TAF1A: variants seen among roughly 807,000 people sequenced by gnomAD.
TAF1A encodes TATA box-binding protein-associated factor RNA polymerase I subunit A.
A neutral mutation model predicts 61.6 loss-of-function variants in TAF1A; 42 were observed. The ratio of observed to expected loss-of-function variants is 0.68; its 90% CI spans 0.53 to 0.88. The LOEUF is 0.88. TAF1A is among the 40% of genes least tolerant of loss of function. The pLI is 0.00. For synonymous variants in TAF1A, 179 were observed against 177.7 expected (o/e 1.01, Z -0.06); for missense variants, 424 against 518.7 (o/e 0.82, Z 1.77).
intron 5 of TAF1A, among the ~76,000 whole-genome samples, chr1:222,574,177 C>T (rs1660474643): frequency 2.6e-5 from 4 of 151,988 alleles, no homozygotes; most frequent in Admixed American, 2.0e-4. Context: ...TAATATTGTA[C>T]TGATGGTTAC....
At chr1:222,576,957 T>C (rs1345498472) in intron 5 of TAF1A, among the ~76,000 whole-genome samples, 6 of 152,112 alleles carry the variant, frequency 3.9e-5, no homozygotes, top group Admixed American at 3.9e-4. Flanking sequence ...ACTAACATAG[T>C]TTCTAACAGC....
rs539677178 is a variant in TAF1A at position 222,570,043 on chromosome 1, A to G, written c.736-375T>C. Among the ~76,000 whole-genome samples, 5 of 152,284 alleles carry G rather than the reference A, an allele frequency of 3.3e-5. 1 individual carries two copies. In the South Asian group the frequency reaches 1.0e-3, roughly 32 times the overall value. On this transcript the variant is annotated intron_variant, in intron 6 of 10. Transcript: ENST00000352967. ...TTGGAGATTATCTTCTGACAACACA[A>G]TTATCAACTTGCCACTCATTAACTT...
At chr1:222,586,228 T>C (rs1661010880) in intron 2 of TAF1A, among the ~76,000 whole-genome samples, 1 of 152,188 alleles carries the variant, frequency 6.6e-6, no homozygotes, top group African/African-American at 2.4e-5. Context: ...TTATAAGATC[T>C]ACACCAAAGC....
intron 3 of TAF1A, among the ~76,000 whole-genome samples, chr1:222,583,434 A>AG (rs1660876783): frequency 6.6e-6 from 1 of 151,662 alleles, no homozygotes; most frequent in African/African-American, 2.4e-5. Flanking sequence ...ACGAAAAAAA[A>AG]AAGGATCACT....
chr1:222,582,638 G>A (rs188148402), intron 3 of TAF1A, among the ~76,000 whole-genome samples: 1 of 152,228 alleles, frequency 6.6e-6, no homozygotes, highest in East Asian at 1.9e-4. Flanking sequence ...ACAAAAACCT[G>A]TACACAAATG....
In TAF1A at chr1:222,589,879, G is replaced by C; in HGVS notation, c.-155C>G. 2.5e-6 allele frequency: 1 copy of C among 395,986 alleles called. No homozygotes were observed. The highest frequency in any genetic ancestry group is 1.4e-4 in the South Asian group (1 of 6,992). The allele number at this position is 395,986 out of a possible 1,614,324, so 24.5% of individuals were successfully genotyped here. On this transcript the variant is annotated 5_prime_UTR_variant, in exon 1 of 11. Coordinates refer to ENST00000352967, the MANE Select transcript of TAF1A (RefSeq NM_005681.4). ...ATTTAGGCAGCGCGCGGCCCGGCTCGTAACTCCTCCTGCTGCAGCAGGCGT... is the reference window on the plus strand; with the variant it reads ...ATTTAGGCAGCGCGCGGCCCGGCTCCTAACTCCTCCTGCTGCAGCAGGCGT...
At chr1:222,560,317 G>A (rs1472309119) in intron 10 of TAF1A, among the ~76,000 whole-genome samples, 6 of 152,326 alleles carry the variant, frequency 3.9e-5, no homozygotes, top group Non-Finnish European at 8.8e-5. Context: ...CCTGATATTT[G>A]TAGAGCACTT....
intron 7 of TAF1A, among the ~76,000 whole-genome samples, chr1:222,565,553 C>A (rs1212996132): frequency 6.6e-6 from 1 of 152,170 alleles, no homozygotes; most frequent in Non-Finnish European, 1.5e-5. Flanking sequence ...CCTGAAAGCA[C>A]AGTCTTGCTT....
At chr1:222,569,958 A>G (rs955916990) in intron 6 of TAF1A, among the ~76,000 whole-genome samples, 1 of 152,240 alleles carries the variant, frequency 6.6e-6, no homozygotes, top group African/African-American at 2.4e-5. Flanking sequence ...GGAGTGCATG[A>G]GAATTGTAAT....
intron 3 of TAF1A, among the ~76,000 whole-genome samples, chr1:222,580,677 A>C (rs1168894103): frequency 3.3e-5 from 5 of 152,116 alleles, no homozygotes; most frequent in South Asian, 2.1e-4. Context: ...CATTTGTAGA[A>C]TATCACACTG....
chr1:222,565,628 A>G (rs2133185), intron 7 of TAF1A, among the ~76,000 whole-genome samples: 31,576 of 152,174 alleles, frequency 0.21, 4,260 homozygotes, highest in African/African-American at 0.39. Context: ...TTAAGAGAGT[A>G]AAATAAAAAT....
chr1:222,563,689 A>G (rs1178235868), intron 8 of TAF1A, among the ~76,000 whole-genome samples: 1 of 152,218 alleles, frequency 6.6e-6, no homozygotes, highest in East Asian at 1.9e-4. Context: ...ATGAAGGAGC[A>G]TGCTCTCTTC....
intron 4 of TAF1A, among the ~76,000 whole-genome samples, chr1:222,578,221 G>A (rs1170356745): frequency 6.6e-6 from 1 of 152,152 alleles, no homozygotes; most frequent in Non-Finnish European, 1.5e-5. Flanking sequence ...ATTATACAAA[G>A]AATGAGTATT....
intron 9 of TAF1A, among the ~76,000 whole-genome samples, chr1:222,562,404 A>C (rs999774894): frequency 3.3e-5 from 5 of 152,230 alleles, no homozygotes; most frequent in African/African-American, 7.2e-5. Flanking sequence ...CTTATGATCT[A>C]GTAGAAGTTT....
chr1:222,568,622 G>T (rs999537049), intron 7 of TAF1A, among the ~76,000 whole-genome samples: 1 of 152,168 alleles, frequency 6.6e-6, no homozygotes, highest in African/African-American at 2.4e-5. Context: ...CACAGATGTG[G>T]AGAAACTGAA....
chr1:222,585,609 G>T lies in TAF1A; in HGVS notation c.122-1312C>A, dbSNP rs1660980951. ...TTATGAGCATGAGCCACCACACCTG[G>T]CCAACAACACGTTTAATACACGTTA... On this transcript the variant is annotated intron_variant, in intron 2 of 10. Coordinates refer to ENST00000352967, the MANE Select transcript of TAF1A (RefSeq NM_005681.4). 2.0e-5 allele frequency among the ~76,000 whole-genome samples: 3 copies of T among 152,012 alleles called. No individual in the cohort carries two copies. The South Asian group carries it at 6.2e-4, about 32-fold the overall frequency.
chr1:222,559,425 G>C (rs1659825046), intron 10 of TAF1A, among the ~76,000 whole-genome samples: 1 of 152,050 alleles, frequency 6.6e-6, no homozygotes, highest in Admixed American at 6.5e-5. Flanking sequence ...AACACACAAA[G>C]GACTGTCAAG....
At chr1:222,583,510 T>C (rs890446368) in intron 3 of TAF1A, among the ~76,000 whole-genome samples, 1 of 151,616 alleles carries the variant, frequency 6.6e-6, no homozygotes, top group African/African-American at 2.4e-5. Context: ...CAATGAAGTA[T>C]AGTCTATGGG....
intron 1 of TAF1A, among the ~76,000 whole-genome samples, chr1:222,589,219 C>T (rs1661152427): frequency 6.6e-6 from 1 of 152,118 alleles, no homozygotes; most frequent in Non-Finnish European, 1.5e-5. Flanking sequence ...TAAAGATGCT[C>T]AGGGCCCCTT....
Sources: allele counts gnomAD v4.1 joint callset (sites outside exome capture counted in the v4.1 genomes callset), GRCh38; gene constraint gnomAD v4.1.1; transcripts MANE v1.5; gene names NCBI Gene and HGNC (gene_info 2026-07-23, HGNC 2026-07-21).